The following NTRK3 variants were observed in gnomAD, a reference collection of about 807,000 sequenced individuals.
NTRK3 encodes the protein NT-3 growth factor receptor.
Under a neutral mutation model 91.7 loss-of-function variants are expected in NTRK3, and 24 were observed. The ratio of observed to expected loss-of-function variants is 0.26; its 90% CI spans 0.19 to 0.37. The LOEUF (loss-of-function observed/expected upper bound fraction) is 0.37. NTRK3 is among the 10% of genes least tolerant of loss of function. The pLI is 1.00. For synonymous variants in NTRK3, 483 were observed against 404.0 expected, an observed-to-expected ratio of 1.20 and a Z score of -2.34; for missense variants, 880 against 1,068.9, an observed-to-expected ratio of 0.82 and a Z score of 2.46.
chr15:87,960,380 T>C (rs1054636679), intron 14 of NTRK3, among the ~76,000 whole-genome samples: 5 of 152,222 alleles, frequency 3.3e-5, no homozygotes, highest in African/African-American at 1.2e-4. Context: ...ATCTCCTTTT[T>C]TTTCCATCTA....
intron 13 of NTRK3, among the ~76,000 whole-genome samples, chr15:88,061,026 G>T (rs1252823725): frequency 6.7e-6 from 1 of 149,210 alleles, no homozygotes; most frequent in Non-Finnish European, 1.5e-5. Context: ...TTTTTAATTT[G>T]TTCATCTACT....
In NTRK3 at chr15:88,130,429, T is replaced by A. The variant is rs542665749; in HGVS notation, c.1205-1695A>T. On this transcript the variant is annotated intron_variant, in intron 10 of 18. Coordinates refer to ENST00000394480, the Ensembl canonical transcript of NTRK3. ...TGTGAAAGAAGGATGAGAAACAAGC[T>A]ATTTATGTAGTTTAAAAATATTATA... 6.6e-5 allele frequency among the ~76,000 whole-genome samples: 10 copies of A among 152,292 alleles called. No individual in the cohort carries two copies. In the East Asian group the frequency reaches 1.5e-3, roughly 23 times the overall value.
At chr15:88,172,861 G>A (rs57884370) in intron 5 of NTRK3, among the ~76,000 whole-genome samples, 2,054 of 152,262 alleles carry the variant, frequency 0.013, 32 homozygotes, top group African/African-American at 0.047. Flanking sequence ...AATTCAATTT[G>A]GGAAGTTTGC....
chr15:87,866,700 A>G (rs2064690251), exon 19 of NTRK3: 1 of 190,058 alleles, frequency 5.3e-6, no homozygotes, highest in Admixed American at 6.2e-5. Context: ...AATTTCTTCT[A>G]TCTCTTTGTT....
chr15:88,155,449 C>A (rs1199812456), intron 5 of NTRK3, among the ~76,000 whole-genome samples: 5 of 152,198 alleles, frequency 3.3e-5, no homozygotes, highest in African/African-American at 1.2e-4. Flanking sequence ...CCTGATGAGA[C>A]CCATGTTGAA....
intron 14 of NTRK3, among the ~76,000 whole-genome samples, chr15:87,998,959 T>C (rs79989497): frequency 0.048 from 7,310 of 152,196 alleles, 257 homozygotes; most frequent in South Asian, 0.13. Flanking sequence ...AGAGGTGATG[T>C]ACTGCAATGG....
rs1002875784 is a variant in NTRK3 at position 88,255,830 on chromosome 15, G to A, written c.248+76C>T. 13 of 1,347,366 alleles carry A rather than the reference G, an allele frequency of 9.6e-6. No homozygotes were observed. In the South Asian group the frequency reaches 1.7e-4, roughly 18 times the overall value. 83.5% of individuals were successfully genotyped at this position (1,347,366 alleles called of 1,614,324 possible). On this transcript the variant is annotated intron_variant, in intron 3 of 18. Coordinates refer to ENST00000394480, the Ensembl canonical transcript of NTRK3. The surrounding 1 kb of genome is among the most constrained non-coding windows in gnomAD (Gnocchi z 4.3). The stretch of plus-strand genomic sequence containing the variant: ...GCGAGCTGGGGCGGGCGGAGGGCCG[G>A]CTCCCGGCCGCGGGTGGGCAGGAGG...
chr15:87,978,916 A>T, intron 14 of NTRK3: 1 of 314,380 alleles, frequency 3.2e-6, no homozygotes, highest in Non-Finnish European at 5.9e-6. Context: ...GTATCCTGGG[A>T]GAGCCAGGGA....
chr15:88,097,500 A>C lies in NTRK3; in HGVS notation c.1396+28771T>G, dbSNP rs200371029. Among the ~76,000 whole-genome samples, 5 of 152,330 alleles carry C rather than the reference A, an allele frequency of 3.3e-5. No individual in the cohort carries two copies. The East Asian group carries it at 9.7e-4, about 29-fold the overall frequency. On this transcript the variant is annotated intron_variant, in intron 13 of 18. Coordinates refer to ENST00000394480, the Ensembl canonical transcript of NTRK3. The stretch of plus-strand genomic sequence containing the variant: ...GATTGGTCAAACTCTTCTCTAACAC[A>C]CTTTAGCAACATGTTTATCCTCACG...
At chr15:88,122,931 T>A (rs2052886609) in intron 13 of NTRK3, among the ~76,000 whole-genome samples, 1 of 152,196 alleles carries the variant, frequency 6.6e-6, no homozygotes, top group South Asian at 2.1e-4. Context: ...CTAGGCTGAG[T>A]GATCTGTGAT....
At chr15:87,896,314 T>G in intron 17 of NTRK3, among the ~76,000 whole-genome samples, 1 of 151,804 alleles carries the variant, frequency 6.6e-6, no homozygotes, top group East Asian at 1.9e-4. Flanking sequence ...CTACTAAAAA[T>G]ACAAAAATTA....
chr15:88,059,304 GATGGCTCTGCTGGGAGAC>G (rs1343442724), intron 13 of NTRK3, among the ~76,000 whole-genome samples: 1 of 152,180 alleles, frequency 6.6e-6, no homozygotes, highest in Non-Finnish European at 1.5e-5. Context: ...ATAGATCAGC[GATGGCTCTGCTGGGAGAC>G]AAGAGTCCAG....
chr15:88,128,025 A>T (rs927876888), intron 11 of NTRK3, among the ~76,000 whole-genome samples: 1 of 152,236 alleles, frequency 6.6e-6, no homozygotes, highest in Non-Finnish European at 1.5e-5. Context: ...CAGAAAGCCG[A>T]GGGTGTTTCT....
chr15:88,216,677 G>A (rs1399770782), intron 3 of NTRK3, among the ~76,000 whole-genome samples: 1 of 152,196 alleles, frequency 6.6e-6, no homozygotes, highest in Admixed American at 6.5e-5. Context: ...CACATCCCCT[G>A]TGGTGGGTCA....
intron 17 of NTRK3, among the ~76,000 whole-genome samples, chr15:87,889,040 C>T (rs959360839): frequency 6.6e-6 from 1 of 152,158 alleles, no homozygotes; most frequent in African/African-American, 2.4e-5. Context: ...AGCCTTCTCC[C>T]CCTGTTTCTC....
chr15:88,082,277 CAAA>C (rs1218706062), intron 13 of NTRK3, among the ~76,000 whole-genome samples: 10 of 70,010 alleles, frequency 1.4e-4, no homozygotes, highest in African/African-American at 2.7e-4. Context: ...GACTCTGTCT[CAAA>C]AAAAAAAAAA....
intron 3 of NTRK3, among the ~76,000 whole-genome samples, chr15:88,201,946 C>G (rs1027074965): frequency 6.6e-6 from 1 of 152,138 alleles, no homozygotes; most frequent in East Asian, 1.9e-4. Context: ...AAGTCACTCT[C>G]TCTTCTATTT....
chr15:88,052,187 A>G (rs1221745365), intron 13 of NTRK3, among the ~76,000 whole-genome samples: 4 of 152,242 alleles, frequency 2.6e-5, no homozygotes, highest in Non-Finnish European at 4.4e-5. Context: ...TTCCAGGTGT[A>G]CATCTAAAAT....
intron 3 of NTRK3, 124 bp from the exon 4 acceptor site, chr15:88,184,423 C>A: frequency 3.3e-6 from 3 of 920,772 alleles, no homozygotes; most frequent in Non-Finnish European, 5.2e-6. Context: ...TTTGCCAAGT[C>A]ACCAAATAAA....
Sources: gnomAD v4.1 joint callset for allele counts (sites outside exome capture counted in the v4.1 genomes callset) on GRCh38, gnomAD v4.1.1 for gene constraint, Gnocchi (gnomAD v3.1) non-coding constraint, MANE v1.5 for transcripts, NCBI Gene and HGNC (gene_info 2026-07-23, HGNC 2026-07-21) for gene names.